ZNF540: variants seen among roughly 807,000 people sequenced by gnomAD.
ZNF540 encodes zinc finger protein 540.
Under a neutral mutation model 11.8 loss-of-function variants are expected in ZNF540, and 3 were observed. The observed-to-expected ratio is 0.25, with a 90% CI of 0.12 to 0.65. The LOEUF (loss-of-function observed/expected upper bound fraction) is 0.65. ZNF540 is among the 30% of genes least tolerant of loss of function. The pLI is 0.83. For missense variants in ZNF540, 709 were observed against 793.1 expected (o/e 0.89, Z 1.27); for synonymous variants, 247 against 259.0 (o/e 0.95, Z 0.45).
chr19:37,556,753 A>G lies in ZNF540; in HGVS notation c.-73+5088A>G, dbSNP rs149446358. 6.7e-3 allele frequency among the ~76,000 whole-genome samples: 1,016 copies of G among 152,312 alleles called. 3 individuals carry two copies. Among genetic ancestry groups the G allele is most frequent in the Non-Finnish European group, 8.1e-3 (552 of 68,022 alleles). On this transcript the variant is annotated intron_variant, in intron 1 of 4. Coordinates refer to the ZNF540 transcript ENST00000592533. Reference sequence around the variant, plus strand: ...GGCAAGATAGGCGGCGCCCTCCCATACATGATTTCAAAAGGTGAGAACCTA... The same window carrying G: ...GGCAAGATAGGCGGCGCCCTCCCATGCATGATTTCAAAAGGTGAGAACCTA...
At chr19:37,583,675 G>T in intron 1 of ZNF540, 1 of 216,646 alleles carries the variant, frequency 4.6e-6, no homozygotes, top group Non-Finnish European at 9.2e-6. Flanking sequence ...AGTATATTTG[G>T]CTTAGGGACT....
At chr19:37,570,475 G>C (rs943641758) in intron 1 of ZNF540, among the ~76,000 whole-genome samples, 1 of 152,048 alleles carries the variant, frequency 6.6e-6, no homozygotes, top group Non-Finnish European at 1.5e-5. Flanking sequence ...CAAGGAATCA[G>C]ATATACAAAA....
chr19:37,572,006 A>AACGTACTAAT (rs150177228), intron 1 of ZNF540, among the ~76,000 whole-genome samples: 1 of 150,796 alleles, frequency 6.6e-6, no homozygotes, highest in Non-Finnish European at 1.5e-5. Context: ...CAAATAGACT[A>AACGTACTAAT]TATGGCCATA....
chr19:37,561,027 C>G (rs1459225154), intron 1 of ZNF540, among the ~76,000 whole-genome samples: 1 of 24,238 alleles, frequency 4.1e-5, no homozygotes, highest in African/African-American at 1.3e-4. Context: ...GCCTGGGCAA[C>G]AAAATAAGAC....
Position 37,601,084 on chromosome 19 carries a change from G to A in ZNF540, c.211G>A (p.Val71Met). The change falls in exon 4 of 5, where the codon GTG becomes ATG. Residue 71 changes from valine (V) to methionine (M), a missense_variant. Coordinates refer to ENST00000316433, the MANE Select transcript of ZNF540 (RefSeq NM_001172225.3). ...GKEPCVVARD[V>M]TGRQCPGLLS... ...AGAGCCCTGCGTGGTGGCGAGGGAT[G>A]TGACAGGAAGACAGTGCCCCGGTGA... 1 of 1,583,528 alleles carries A rather than the reference G, an allele frequency of 6.3e-7. No individual in the cohort carries two copies. The highest frequency in any genetic ancestry group is 8.6e-7 in the Non-Finnish European group (1 of 1,164,616).
chr19:37,555,786 A>G, intron 1 of ZNF540: 5 of 630,312 alleles, frequency 7.9e-6, no homozygotes, highest in Non-Finnish European at 1.1e-5. Context: ...CTTAATTCCC[A>G]TGACATGCCA....
chr19:37,599,500 C>T (rs2044022769), intron 2 of ZNF540, 126 bp from the exon 3 acceptor site: 2 of 1,098,552 alleles, frequency 1.8e-6, no homozygotes, highest in Non-Finnish European at 2.6e-6. Flanking sequence ...TTATCATAAG[C>T]TTTCAGCCCC....
At chr19:37,571,323 C>G (rs2043043661) in intron 1 of ZNF540, among the ~76,000 whole-genome samples, 2 of 151,902 alleles carry the variant, frequency 1.3e-5, no homozygotes, top group Admixed American at 6.6e-5. Context: ...GGTGAAACTC[C>G]CAGCTCTACT....
chr19:37,612,885 A>G lies in ZNF540; in HGVS notation c.1605A>G (p.Arg535=). The change falls in exon 5 of 5, where the codon AGA becomes AGG. Residue 535 remains arginine (R), a synonymous_variant. Transcript: ENST00000316433. ...CKECGKAFIR[R]GNLKEHLKIH... is the part of the protein sequence containing the mutation. ...AATGTGGAAAGGCCTTTATTCGTAG[A>G]GGGAATCTTAAAGAACATCTGAAAA... is the stretch of plus-strand genomic sequence containing the variant. 1 of 1,613,906 alleles carries G rather than the reference A, an allele frequency of 6.2e-7. No homozygotes were observed. Among genetic ancestry groups the G allele is most frequent in the East Asian group, 2.2e-5 (1 of 44,840 alleles).
At chr19:37,558,527 T>C (rs1201503061) in intron 1 of ZNF540, among the ~76,000 whole-genome samples, 1 of 152,054 alleles carries the variant, frequency 6.6e-6, no homozygotes, top group Non-Finnish European at 1.5e-5. Flanking sequence ...TCCGAGCAGC[T>C]CCCTTAATAC....
At chr19:37,587,991 T>C (rs1196272648) in intron 1 of ZNF540, among the ~76,000 whole-genome samples, 9 of 149,938 alleles carry the variant, frequency 6.0e-5, no homozygotes, top group Non-Finnish European at 1.3e-4. Context: ...TCCCAGCTAC[T>C]TGGGAGGCTA....
intron 1 of ZNF540, chr19:37,585,024 A>G (rs1259036167): frequency 2.0e-5 from 3 of 151,802 alleles, no homozygotes; most frequent in Non-Finnish European, 4.4e-5. Flanking sequence ...CTTAGAATCT[A>G]TAATTCTTGA....
chr19:37,576,186 C>G (rs561092188), intron 1 of ZNF540, among the ~76,000 whole-genome samples: 2 of 152,196 alleles, frequency 1.3e-5, no homozygotes, highest in South Asian at 4.1e-4. Flanking sequence ...ACTAAAAAAT[C>G]CACCAATAAT....
At chr19:37,611,393 T>C in intron 4 of ZNF540, 120 bp from the exon 5 acceptor site, 1 of 716,500 alleles carries the variant, frequency 1.4e-6, no homozygotes, top group South Asian at 2.3e-5. Context: ...GAAATATTCT[T>C]TAAGCCACTG....
At chr19:37,593,845 G>A (rs1600549671), upstream of ZNF540, among the ~76,000 whole-genome samples, 1 of 152,140 alleles carries the variant, frequency 6.6e-6, no homozygotes, top group Non-Finnish European at 1.5e-5. Flanking sequence ...GGGTGCCTAA[G>A]GACCAGTCAC....
chr19:37,612,139 A>C lies in ZNF540; in HGVS notation c.859A>C (p.Thr287Pro), dbSNP rs557931522. ...DKGFFSRLEL[T>P]QHKRIHTGKK... Reference sequence around the variant, plus strand: ...GGGTTTTTTTAGTAGATTAGAACTTACTCAACATAAAAGAATTCATACTGG... The same window carrying C: ...GGGTTTTTTTAGTAGATTAGAACTTCCTCAACATAAAAGAATTCATACTGG... Residue 287 changes from threonine to proline, a missense_variant, in exon 5 of 5, where the codon ACT becomes CCT. Transcript: ENST00000316433. 6.2e-7 allele frequency: 1 copy of C among 1,611,654 alleles called. No homozygotes were observed. The highest frequency in any genetic ancestry group is 2.2e-5 in the East Asian group (1 of 44,844).
At chr19:37,566,102 C>T (rs1285085056) in intron 1 of ZNF540, 1 of 1,614,026 alleles carries the variant, frequency 6.2e-7, no homozygotes, top group Admixed American at 1.7e-5. Context: ...AATTTTGACA[C>T]ACATGTAAAG....
chr19:37,579,282 G>T (rs2043359746), intron 1 of ZNF540, among the ~76,000 whole-genome samples: 1 of 152,206 alleles, frequency 6.6e-6, no homozygotes, highest in Non-Finnish European at 1.5e-5. Context: ...CAGTGGGCCA[G>T]CTAGGGGCCT....
chr19:37,610,632 G>A (rs2044120828), intron 4 of ZNF540, among the ~76,000 whole-genome samples: 1 of 152,158 alleles, frequency 6.6e-6, no homozygotes, highest in Non-Finnish European at 1.5e-5. Flanking sequence ...ATATGAAATG[G>A]GAAATGTTAT....
Sources: gnomAD v4.1 joint callset for allele counts (sites outside exome capture counted in the v4.1 genomes callset) on GRCh38, gnomAD v4.1.1 for gene constraint, MANE v1.5 for transcripts, NCBI Gene and HGNC (gene_info 2026-07-23, HGNC 2026-07-21) for gene names.